SLC15A5: variants seen among roughly 807,000 people sequenced by gnomAD.
SLC15A5 encodes the protein Peptide/histidine transporter ENSP00000340402.
A neutral mutation model predicts 56.1 loss-of-function variants in SLC15A5; 58 were observed. The ratio of observed to expected loss-of-function variants is 1.03; its 90% CI spans 0.84 to 1.29. The LOEUF (loss-of-function observed/expected upper bound fraction) is 1.29, where lower values mean the gene tolerates loss of function less well. SLC15A5 is among the 50% of genes most tolerant of loss of function. The pLI is 0.00. For synonymous variants in SLC15A5, 264 were observed against 250.5 expected (o/e 1.05, Z -0.51); for missense variants, 681 against 672.1 (o/e 1.01, Z -0.15).
Position 16,196,262 on chromosome 12 carries a change from C to T in SLC15A5, c.1484-1809G>A, listed in dbSNP as rs1258898334. On this transcript the variant is annotated intron_variant, in intron 7 of 8. Coordinates refer to ENST00000344941, the MANE Select transcript of SLC15A5 (RefSeq NM_001170798.1). The surrounding 1 kb of genome is among the most constrained non-coding windows in gnomAD (Gnocchi z 4.0). ...ATGAAAATTTATGGTTTTATTGCTACAGTTACATGATGCCTGTATCTGGTG... is the reference window on the plus strand; with the variant it reads ...ATGAAAATTTATGGTTTTATTGCTATAGTTACATGATGCCTGTATCTGGTG... Among the ~76,000 whole-genome samples, 4 of 152,074 alleles carry T rather than the reference C, an allele frequency of 2.6e-5. No individual in the cohort carries two copies. The highest frequency in any genetic ancestry group is 9.7e-5 in the African/African-American group (4 of 41,432).
chr12:16,219,021 C>A (rs1389219859), intron 6 of SLC15A5, among the ~76,000 whole-genome samples: 1 of 152,074 alleles, frequency 6.6e-6, no homozygotes, highest in Admixed American at 6.6e-5. Flanking sequence ...TTATTTATCC[C>A]ATAAAGATTT....
At chr12:16,239,187 T>C (rs1864386060) in intron 5 of SLC15A5, among the ~76,000 whole-genome samples, 1 of 152,238 alleles carries the variant, frequency 6.6e-6, no homozygotes, top group South Asian at 2.1e-4. Flanking sequence ...TTCAATCAGA[T>C]AAATTTCATT....
chr12:16,254,355 G>T (rs1864547951), intron 3 of SLC15A5, among the ~76,000 whole-genome samples: 1 of 152,038 alleles, frequency 6.6e-6, no homozygotes, highest in African/African-American at 2.4e-5. Context: ...TGTTTAGTGG[G>T]TATACAGCTT....
intron 8 of SLC15A5, among the ~76,000 whole-genome samples, chr12:16,192,956 G>A (rs1487538651): frequency 2.6e-5 from 4 of 152,086 alleles, no homozygotes; most frequent in Non-Finnish European, 5.9e-5. Flanking sequence ...TGTATAGCAT[G>A]TAAATTGTGA....
chr12:16,189,388 G>A lies in SLC15A5; in HGVS notation c.*280C>T, dbSNP rs989768145. 1.9e-5 allele frequency: 4 copies of A among 207,812 alleles called. No homozygotes were observed. The highest frequency in any genetic ancestry group is 9.6e-5 in the African/African-American group (4 of 41,832). 12.9% of individuals were successfully genotyped at this position (207,812 alleles called of 1,614,324 possible). On this transcript the variant is annotated 3_prime_UTR_variant, in exon 9 of 9. Coordinates refer to ENST00000344941, the MANE Select transcript of SLC15A5 (RefSeq NM_001170798.1). ...CTGAACCATTGTAGAAAGCTGTAAG[G>A]TATTATTGGTGTATAGAAAACTGTC...
chr12:16,198,378 C>G (rs914468711), intron 7 of SLC15A5, among the ~76,000 whole-genome samples: 1 of 152,084 alleles, frequency 6.6e-6, no homozygotes, highest in African/African-American at 2.4e-5. Context: ...TAAAATGTTT[C>G]TATTTATCCG....
chr12:16,231,623 A>G (rs1272263163), intron 5 of SLC15A5, among the ~76,000 whole-genome samples: 2 of 152,210 alleles, frequency 1.3e-5, no homozygotes, highest in African/African-American at 2.4e-5. Flanking sequence ...TGAAATTGTC[A>G]AGTCTCCAAT....
At chr12:16,257,502 A>C (rs950744149) in intron 3 of SLC15A5, among the ~76,000 whole-genome samples, 199 bp downstream of exon 3, 1 of 152,240 alleles carries the variant, frequency 6.6e-6, no homozygotes. Flanking sequence ...AAATCTTGCC[A>C]TTAGAATCCC....
At chr12:16,213,700 C>G (rs143508730) in intron 7 of SLC15A5, among the ~76,000 whole-genome samples, 1 of 152,124 alleles carries the variant, frequency 6.6e-6, no homozygotes, top group Admixed American at 6.6e-5. Flanking sequence ...AAAGAATACA[C>G]TTAAAATAAG....
Position 16,237,415 on chromosome 12 carries a change from C to T in SLC15A5, c.1162+2266G>A, listed in dbSNP as rs543122824. ...AATCAGTATTCTGTACCCAGTGGAA[C>T]GTAGCTTAGTTTCTTTTGAAGTGAG... On this transcript the variant is annotated intron_variant, in intron 5 of 8. Transcript: ENST00000344941. The surrounding 1 kb of genome is among the most constrained non-coding windows in gnomAD (Gnocchi z 4.1). Among the ~76,000 whole-genome samples the T allele has an allele frequency of 8.5e-5, 13 of 152,252 alleles. No individual in the cohort carries two copies. Among genetic ancestry groups the T allele is most frequent in the African/African-American group, 2.6e-4 (11 of 41,546 alleles).
intron 5 of SLC15A5, among the ~76,000 whole-genome samples, chr12:16,230,235 T>G (rs978194075): frequency 1.2e-4 from 18 of 152,332 alleles, no homozygotes; most frequent in Middle Eastern, 3.4e-3. Flanking sequence ...TCATATAATC[T>G]TATTCTTGCA....
At chr12:16,210,577 G>C (rs1220931947) in intron 7 of SLC15A5, among the ~76,000 whole-genome samples, 1 of 152,078 alleles carries the variant, frequency 6.6e-6, no homozygotes, top group Admixed American at 6.6e-5. Context: ...ATTTCTTCTA[G>C]TCCTCATAAA....
At chr12:16,212,271 G>T (rs1591643542) in intron 7 of SLC15A5, among the ~76,000 whole-genome samples, 1 of 152,086 alleles carries the variant, frequency 6.6e-6, no homozygotes, top group East Asian at 1.9e-4. Context: ...ATCTTATTTA[G>T]TTTTATTCTC....
intron 6 of SLC15A5, among the ~76,000 whole-genome samples, chr12:16,217,339 G>T (rs954599486): frequency 1.3e-5 from 2 of 152,090 alleles, no homozygotes; most frequent in African/African-American, 4.8e-5. Flanking sequence ...TTGGATAGAG[G>T]TGTGGCCTCT....
At chr12:16,259,564 A>G (rs973708500) in intron 2 of SLC15A5, among the ~76,000 whole-genome samples, 1 of 152,232 alleles carries the variant, frequency 6.6e-6, no homozygotes, top group African/African-American at 2.4e-5. Flanking sequence ...CTGAAGGAGA[A>G]GGAGAGAAAT....
Position 16,196,346 on chromosome 12 carries a change from T to C in SLC15A5, c.1484-1893A>G, listed in dbSNP as rs1243268523. ...CTCTATAAGTCTTGTCTATTGGATA[T>C]TGTGTAGCCTTTTTGATGTGTATAT... On this transcript the variant is annotated intron_variant, in intron 7 of 8. Transcript: ENST00000344941. This position sits in a 1 kb window ranked among gnomAD's most constrained non-coding sequence, Gnocchi z 4.0. Among the ~76,000 whole-genome samples, 1 of 152,090 alleles carries C rather than the reference T, an allele frequency of 6.6e-6. No individual in the cohort carries two copies. Among genetic ancestry groups the C allele is most frequent in the Non-Finnish European group, 1.5e-5 (1 of 68,000 alleles).
chr12:16,230,386 G>A (rs1864284145), intron 5 of SLC15A5, among the ~76,000 whole-genome samples: 1 of 152,088 alleles, frequency 6.6e-6, no homozygotes, highest in South Asian at 2.1e-4. Flanking sequence ...TGGTTGCTGA[G>A]GTTTGCAGCT....
chr12:16,273,853 T>C (rs1182028489), intron 1 of SLC15A5, among the ~76,000 whole-genome samples: 1 of 150,320 alleles, frequency 6.7e-6, no homozygotes, highest in African/African-American at 2.4e-5. Context: ...AAAAGGCCCA[T>C]AATCTCATTA....
intron 5 of SLC15A5, among the ~76,000 whole-genome samples, chr12:16,238,128 T>C (rs1864370081): frequency 6.6e-6 from 1 of 152,214 alleles, no homozygotes; most frequent in South Asian, 2.1e-4. Flanking sequence ...TCCTCCTCTA[T>C]AATTGAAGAT....
Sources: allele counts gnomAD v4.1 joint callset (sites outside exome capture counted in the v4.1 genomes callset), GRCh38; gene constraint gnomAD v4.1.1; non-coding constraint Gnocchi (gnomAD v3.1); transcripts MANE v1.5; gene names NCBI Gene and HGNC (gene_info 2026-07-23, HGNC 2026-07-21).